Variants in LGSN observed in about 807,000 individuals in gnomAD.
LGSN encodes the protein lengsin, lens protein with glutamine synthetase domain.
LGSN carries 21 observed loss-of-function variants against 19.5 expected under a neutral mutation model. The observed-to-expected ratio is 1.07, with a 90% CI of 0.76 to 1.55. LGSN has a LOEUF of 1.55. Among genes scored for constraint, LGSN ranks in the 40% most tolerant of loss-of-function variants. The pLI, the probability that LGSN is intolerant of heterozygous loss-of-function variation, is 0.00. For synonymous variants in LGSN, 257 were observed against 215.6 expected, an observed-to-expected ratio of 1.19 and a Z score of -1.68; for missense variants, 673 against 608.5, an observed-to-expected ratio of 1.11 and a Z score of -1.12.
chr6:63,353,970 TC>T, the LGSN span, among the ~76,000 whole-genome samples: 1 of 152,042 alleles, frequency 6.6e-6, no homozygotes, highest in Non-Finnish European at 1.5e-5. Context: ...TAGACCCCTA[TC>T]TCTCACTACA....
chr6:63,347,194 G>A, the LGSN span, among the ~76,000 whole-genome samples: 3 of 152,174 alleles, frequency 2.0e-5, no homozygotes, highest in Non-Finnish European at 4.4e-5. Flanking sequence ...CTGAGAATGA[G>A]TGGTGAGTAG....
At chr6:63,364,590 T>C in the LGSN span, among the ~76,000 whole-genome samples, 2 of 152,156 alleles carry the variant, frequency 1.3e-5, no homozygotes, top group Non-Finnish European at 2.9e-5. Flanking sequence ...GCAAACCTAA[T>C]AGACATCTAC....
At chr6:63,290,532 T>C (rs994006590) in intron 2 of LGSN, among the ~76,000 whole-genome samples, 1 of 152,228 alleles carries the variant, frequency 6.6e-6, no homozygotes, top group African/African-American at 2.4e-5. Context: ...AAATTTTATG[T>C]AAAAATCTTG....
the LGSN span, among the ~76,000 whole-genome samples, chr6:63,338,176 G>A: frequency 1.1e-4 from 16 of 152,160 alleles, no homozygotes; most frequent in South Asian, 2.1e-4. Flanking sequence ...ATGAGCCACC[G>A]TGCCCAGCCA....
At chr6:63,283,095 A>T (rs936406862) in intron 3 of LGSN, among the ~76,000 whole-genome samples, 4 of 152,206 alleles carry the variant, frequency 2.6e-5, no homozygotes, top group Non-Finnish European at 4.4e-5. Flanking sequence ...AAACCATAGT[A>T]AAAAGTCACA....
At chr6:63,337,701 G>A in the LGSN span, among the ~76,000 whole-genome samples, 2 of 150,588 alleles carry the variant, frequency 1.3e-5, no homozygotes, top group African/African-American at 4.9e-5. Context: ...CTACTCAGGA[G>A]GCTCAGATGG....
the LGSN span, among the ~76,000 whole-genome samples, chr6:63,378,871 C>T: frequency 9.2e-5 from 14 of 152,290 alleles, 1 homozygote; most frequent in Admixed American, 7.2e-4. Flanking sequence ...AATATTCAAA[C>T]TATAGCAATT....
chr6:63,517,354 G>A, the LGSN span, among the ~76,000 whole-genome samples: 3 of 152,098 alleles, frequency 2.0e-5, no homozygotes, highest in Non-Finnish European at 4.4e-5. Context: ...ACCTGGAATA[G>A]CTCCTAATCC....
chr6:63,429,047 T>G, the LGSN span, among the ~76,000 whole-genome samples: 302 of 152,160 alleles, frequency 2.0e-3, no homozygotes, highest in Middle Eastern at 6.8e-3. Flanking sequence ...ATTCTTGACC[T>G]CAAAACCAAG....
At chr6:63,412,469 AGAGAG>A in the LGSN span, among the ~76,000 whole-genome samples, 19 of 128,262 alleles carry the variant, frequency 1.5e-4, no homozygotes, top group African/African-American at 6.2e-4. Context: ...AAAGAAAAAG[AGAGAG>A]AAGAAAGAGA....
the LGSN span, among the ~76,000 whole-genome samples, chr6:63,369,679 C>A: frequency 1.3e-5 from 2 of 152,124 alleles, no homozygotes; most frequent in African/African-American, 2.4e-5. Context: ...TTACAGAATT[C>A]TTTCCAGAAG....
At chr6:63,429,985 G>A in the LGSN span, among the ~76,000 whole-genome samples, 2 of 152,162 alleles carry the variant, frequency 1.3e-5, no homozygotes, top group African/African-American at 4.8e-5. Context: ...GCTTTCAACA[G>A]GAAAGCCAAA....
the LGSN span, among the ~76,000 whole-genome samples, chr6:63,557,584 A>C: frequency 6.6e-6 from 1 of 152,116 alleles, no homozygotes; most frequent in African/African-American, 2.4e-5. Flanking sequence ...AAAAATATAA[A>C]TTAATACTAG....
At chr6:63,287,879 G>A (rs781730564) in intron 2 of LGSN, among the ~76,000 whole-genome samples, 10 of 151,960 alleles carry the variant, frequency 6.6e-5, no homozygotes, top group Admixed American at 2.0e-4. Context: ...CTTTATCTGT[G>A]TCTCCTAAAC....
chr6:63,277,114 T>C lies in LGSN; in HGVS notation c.*2907A>G, dbSNP rs184003340. 1.3e-5 allele frequency: 2 copies of C among 152,350 alleles called. No individual in the cohort carries two copies. The highest frequency in any genetic ancestry group is 4.8e-5 in the African/African-American group (2 of 41,582). 9.4% of individuals were successfully genotyped at this position (152,350 alleles called of 1,614,324 possible). A position where few individuals can be genotyped will look rare whatever the true frequency, so the allele number is the denominator to read the frequency against. On this transcript the variant is annotated 3_prime_UTR_variant, in exon 4 of 4. Coordinates refer to ENST00000370657, the MANE Select transcript of LGSN (RefSeq NM_016571.3). ...ATACTGAAGATAATATTCCTAGTTATATAATTCCTTCACATGGCATCCTGA... is the reference window on the plus strand; with the variant it reads ...ATACTGAAGATAATATTCCTAGTTACATAATTCCTTCACATGGCATCCTGA...
rs145702409 is a variant in LGSN, at chr6:63,284,945, G to A, written c.330+642C>T. 7.1e-3 allele frequency among the ~76,000 whole-genome samples: 1,087 copies of A among 152,218 alleles called. 19 individuals are homozygous for A. The highest frequency in any genetic ancestry group is 0.054 in the South Asian group (262 of 4,834). ...CTTTCACACTTTCTTAAATAGTACC[G>A]ACCTGATGTCCCTTGCTAAGAAATT... On this transcript the variant is annotated intron_variant, in intron 3 of 3. Transcript: ENST00000370657.
chr6:63,332,488 C>T, the LGSN span, among the ~76,000 whole-genome samples: 2 of 152,160 alleles, frequency 1.3e-5, no homozygotes, highest in African/African-American at 4.8e-5. Flanking sequence ...CATGGCTTTC[C>T]TCTCTGTCAA....
the LGSN span, among the ~76,000 whole-genome samples, chr6:63,327,096 G>A: frequency 1.2e-3 from 185 of 151,452 alleles, no homozygotes; most frequent in South Asian, 3.3e-3. Flanking sequence ...CTGCTGGATA[G>A]GGGTGAAGAA....
the LGSN span, among the ~76,000 whole-genome samples, chr6:63,520,865 A>G: frequency 4.6e-5 from 7 of 152,146 alleles, no homozygotes; most frequent in Admixed American, 3.9e-4. Flanking sequence ...CACTACATGA[A>G]CAATCAGTTT....
Sources: allele counts gnomAD v4.1 joint callset (sites outside exome capture counted in the v4.1 genomes callset), GRCh38; gene constraint gnomAD v4.1.1; transcripts MANE v1.5; gene names NCBI Gene and HGNC (gene_info 2026-07-23, HGNC 2026-07-21).